The following LCMT1 variants were observed in gnomAD, a reference collection of about 807,000 sequenced individuals.
The protein encoded by LCMT1 is [Phosphatase 2A protein]-leucine-carboxy methyltransferase 1.
In LCMT1, 32 loss-of-function variants were observed where a neutral mutation model predicts 47.7. The ratio of observed to expected loss-of-function variants is 0.67; its 90% CI spans 0.51 to 0.90. The LOEUF (loss-of-function observed/expected upper bound fraction) is 0.90, where lower values mean the gene tolerates loss of function less well. Among genes scored for constraint, LCMT1 ranks in the 40% least tolerant of loss-of-function variants. LCMT1 has a pLI of 0.00. For synonymous variants in LCMT1, 152 were observed against 149.7 expected, an observed-to-expected ratio of 1.02 and a Z score of -0.11; for missense variants, 375 against 415.2, an observed-to-expected ratio of 0.90 and a Z score of 0.84.
chr16:25,148,291 A>G (rs1258436864), intron 4 of LCMT1: 1 of 152,250 alleles, frequency 6.6e-6, no homozygotes, highest in Non-Finnish European at 1.5e-5. Context: ...AATTAAACAT[A>G]CAAAAAGGAA....
intron 4 of LCMT1, 113 bp downstream of exon 4, chr16:25,140,360 A>G (rs1960647634): frequency 2.6e-6 from 2 of 777,336 alleles, no homozygotes; most frequent in Non-Finnish European, 2.1e-6. Context: ...CCTTCCGTTC[A>G]CTGCCCCCCA....
intron 1 of LCMT1, among the ~76,000 whole-genome samples, chr16:25,116,120 G>A (rs8062337): frequency 0.26 from 38,927 of 152,214 alleles, 5,067 homozygotes; most frequent in East Asian, 0.35. Flanking sequence ...ATGAGGAGCT[G>A]TGGGGCACAT....
chr16:25,161,001 CAAT>C (rs1234655424), intron 5 of LCMT1, 98 bp from the exon 6 acceptor site: 2 of 598,196 alleles, frequency 3.3e-6, no homozygotes, highest in Non-Finnish European at 5.6e-6. Context: ...TTTTTTTTAA[CAAT>C]GATGCATGTA....
chr16:25,165,347 T>C (rs113831372), intron 7 of LCMT1, among the ~76,000 whole-genome samples: 2 of 152,342 alleles, frequency 1.3e-5, no homozygotes, highest in African/African-American at 4.8e-5. Flanking sequence ...TTTAGAGCTT[T>C]GGAATAGCTT....
intron 3 of LCMT1, among the ~76,000 whole-genome samples, chr16:25,133,052 G>A (rs893849643): frequency 6.6e-5 from 10 of 151,958 alleles, no homozygotes; most frequent in East Asian, 3.9e-4. Context: ...TAGAGACAGC[G>A]GTCTCACTAT....
At chr16:25,124,718 G>T (rs186322045) in intron 1 of LCMT1, among the ~76,000 whole-genome samples, 2 of 152,336 alleles carry the variant, frequency 1.3e-5, no homozygotes. Context: ...AGGCCCCATT[G>T]TTCCAGTTGA....
At chr16:25,133,393 T>G (rs1420430806) in intron 3 of LCMT1, among the ~76,000 whole-genome samples, 135 of 120,410 alleles carry the variant, frequency 1.1e-3, no homozygotes, top group African/African-American at 4.2e-3. Flanking sequence ...AGGTTTTTTT[T>G]TTTTTTTTTT....
chr16:25,147,020 G>A (rs1169123221), intron 4 of LCMT1: 1 of 152,158 alleles, frequency 6.6e-6, no homozygotes, highest in African/African-American at 2.4e-5. Context: ...TTGGTCTTTA[G>A]TGACCACCTG....
intron 5 of LCMT1, 105 bp downstream of exon 5, chr16:25,151,720 T>TGTGTGTGTGTGG: frequency 1.3e-6 from 1 of 791,540 alleles, no homozygotes; most frequent in Non-Finnish European, 2.1e-6. Flanking sequence ...TGTGTGTGTG[T>TGTGTGTGTGTGG]GTGGTGTTAT....
chr16:25,131,151 G>A (rs1960339443), intron 2 of LCMT1, among the ~76,000 whole-genome samples: 1 of 152,220 alleles, frequency 6.6e-6, no homozygotes, highest in Non-Finnish European at 1.5e-5. Context: ...AGGGAATCTT[G>A]GCTCTCAAGT....
intron 7 of LCMT1, among the ~76,000 whole-genome samples, chr16:25,165,334 T>G (rs1961554917): frequency 6.6e-6 from 1 of 152,228 alleles, no homozygotes; most frequent in Admixed American, 6.5e-5. Flanking sequence ...GAAAAAGTTC[T>G]GCTTTAGAGC....
chr16:25,171,170 G>A (rs1175871088), intron 9 of LCMT1, among the ~76,000 whole-genome samples: 1 of 152,030 alleles, frequency 6.6e-6, no homozygotes, highest in African/African-American at 2.4e-5. Flanking sequence ...TGGGGCGGGG[G>A]CAGAGGTTGC....
At position 25,147,677 on chromosome 16, in the gene LCMT1, C is replaced by G. The variant is rs1453420772; in HGVS notation, c.405-3877C>G. 2.7e-5 allele frequency: 4 copies of G among 150,864 alleles called. No individual in the cohort carries two copies. The South Asian group carries it at 8.4e-4, about 32-fold the overall frequency. The allele number at this position is 150,864 out of a possible 1,614,324, so 9.3% of individuals were successfully genotyped here. Reference sequence around the variant, plus strand: ...TTGTATTACAGAGGAAAATCAGTTTCTTTTTTTTTAATTAAAAAAAAAATT... The same window carrying G: ...TTGTATTACAGAGGAAAATCAGTTTGTTTTTTTTTAATTAAAAAAAAAATT... On this transcript the variant is annotated intron_variant, in intron 4 of 10. Coordinates refer to ENST00000399069, the MANE Select transcript of LCMT1 (RefSeq NM_016309.3).
Position 25,169,103 on chromosome 16 carries a change from C to A in LCMT1, c.691-9C>A, listed in dbSNP as rs757380335. The A allele has an allele frequency of 6.3e-7, 1 of 1,591,020 alleles. No individual in the cohort carries two copies. Among genetic ancestry groups the A allele is most frequent in the Non-Finnish European group, 8.6e-7 (1 of 1,159,686 alleles). ...TAGAGTAATATCTTACCTTCTCTTT[C>A]CCTCCTAGGTGAACATGGGTGATCG... On this transcript the variant is annotated splice_polypyrimidine_tract_variant and intron_variant, in intron 7 of 10. Coordinates refer to ENST00000399069, the MANE Select transcript of LCMT1 (RefSeq NM_016309.3).
chr16:25,127,967 A>T (rs1165316637), intron 1 of LCMT1, among the ~76,000 whole-genome samples: 1 of 152,220 alleles, frequency 6.6e-6, no homozygotes, highest in Non-Finnish European at 1.5e-5. Context: ...ATTTCTTCCT[A>T]GTTTCCCCAC....
At chr16:25,124,223 A>AT (rs753231892) in intron 1 of LCMT1, among the ~76,000 whole-genome samples, 22 of 152,212 alleles carry the variant, frequency 1.4e-4, no homozygotes, top group Non-Finnish European at 2.6e-4. Flanking sequence ...AAAAGTTTAA[A>AT]TTTTTAAACA....
At chr16:25,116,335 G>T (rs921916032) in intron 1 of LCMT1, among the ~76,000 whole-genome samples, 2 of 152,240 alleles carry the variant, frequency 1.3e-5, no homozygotes, top group African/African-American at 2.4e-5. Flanking sequence ...TCAGCTGGGA[G>T]AAAGAGATGT....
chr16:25,174,510 A>G (rs76294734), intron 9 of LCMT1, among the ~76,000 whole-genome samples: 1,723 of 152,236 alleles, frequency 0.011, 34 homozygotes, highest in African/African-American at 0.04. Context: ...TCCATGATAT[A>G]TATGTCTTGG....
At chr16:25,171,259 C>T (rs565724735) in intron 9 of LCMT1, among the ~76,000 whole-genome samples, 1 of 151,756 alleles carries the variant, frequency 6.6e-6, no homozygotes, top group South Asian at 2.1e-4. Flanking sequence ...AATAAAAATA[C>T]AAAAATTAGC....
Sources: gnomAD v4.1 joint callset for allele counts (sites outside exome capture counted in the v4.1 genomes callset) on GRCh38, gnomAD v4.1.1 for gene constraint, MANE v1.5 for transcripts, NCBI Gene and HGNC (gene_info 2026-07-23, HGNC 2026-07-21) for gene names.